The following FAM228B variants were observed in gnomAD, a reference collection of about 807,000 sequenced individuals.
The protein encoded by FAM228B is protein FAM228B.
Under a neutral mutation model 42.6 loss-of-function variants are expected in FAM228B, and 38 were observed. That is an observed-to-expected ratio of 0.89 (90% confidence interval 0.69 to 1.17). The LOEUF (loss-of-function observed/expected upper bound fraction) is 1.17, where lower values mean the gene tolerates loss of function less well. Ranked by LOEUF, FAM228B falls within the 50% of genes most tolerant of loss-of-function variation. The pLI is 0.00. For synonymous variants in FAM228B, 109 were observed against 122.3 expected, an observed-to-expected ratio of 0.89 and a Z score of 0.72; for missense variants, 344 against 367.3, an observed-to-expected ratio of 0.94 and a Z score of 0.52.
chr2:24,156,784 C>A (rs369125346), intron 7 of FAM228B, among the ~76,000 whole-genome samples: 3 of 129,990 alleles, frequency 2.3e-5, no homozygotes, highest in Non-Finnish European at 3.3e-5. Flanking sequence ...GCCCCCCCCC[C>A]CCCAGCTTTT....
rs138677805 is a variant in FAM228B at position 24,080,835 on chromosome 2, C to T, written c.-289-41C>T. On this transcript the variant is annotated intron_variant, in intron 1 of 10. Transcript: ENST00000613899. This position sits in a 1 kb window ranked among gnomAD's most constrained non-coding sequence, Gnocchi z 4.7. ...GTTGTTTACCTTTGGTGAATTTCAG[C>T]GTTGCTTCAGAGAAATCCTCTTTTT... 5.2e-4 allele frequency: 833 copies of T among 1,614,142 alleles called. 6 individuals carry two copies. In the African/African-American group the frequency reaches 9.6e-3, roughly 19 times the overall value.
intron 3 of FAM228B, among the ~76,000 whole-genome samples, chr2:24,104,822 C>T (rs1665673200): frequency 1.3e-5 from 2 of 152,074 alleles, no homozygotes; most frequent in Non-Finnish European, 2.9e-5. Context: ...TTGCCACTGA[C>T]AGCCAGGTGG....
chr2:24,149,530 T>G (rs1057380775), intron 7 of FAM228B, among the ~76,000 whole-genome samples: 12 of 152,170 alleles, frequency 7.9e-5, no homozygotes, highest in African/African-American at 2.4e-4. Context: ...CCTCCCAGGT[T>G]CAAGCAATTC....
chr2:24,086,282 T>G (rs1406912174), intron 2 of FAM228B, among the ~76,000 whole-genome samples: 1 of 148,190 alleles, frequency 6.7e-6, no homozygotes, highest in Non-Finnish European at 1.5e-5. Flanking sequence ...GAGGAATGGA[T>G]GAAGAAGATT....
At chr2:24,106,239 A>G (rs1310803497) in intron 3 of FAM228B, among the ~76,000 whole-genome samples, 2 of 151,710 alleles carry the variant, frequency 1.3e-5, no homozygotes, top group East Asian at 3.9e-4. Flanking sequence ...TACAAAGGGA[A>G]CTCCATCAGG....
intron 2 of FAM228B, among the ~76,000 whole-genome samples, chr2:24,133,906 T>A (rs1002654994): frequency 1.8e-4 from 27 of 152,292 alleles, no homozygotes; most frequent in African/African-American, 5.8e-4. Flanking sequence ...AGCAAGACTG[T>A]CTCCAAAATA....
chr2:24,114,378 A>G (rs10164787), intron 3 of FAM228B, among the ~76,000 whole-genome samples: 17,696 of 152,082 alleles, frequency 0.12, 1,235 homozygotes, highest in South Asian at 0.18. Flanking sequence ...AGCCATGTCT[A>G]TACTTTTTCT....
At position 24,164,297 on chromosome 2, in the gene FAM228B, C is replaced by A. The variant is rs1184685838; in HGVS notation, c.894C>A (p.Ser298=). 1 of 1,550,884 alleles carries A rather than the reference C, an allele frequency of 6.4e-7. No individual in the cohort carries two copies. The highest frequency in any genetic ancestry group is 2.0e-5 in the Admixed American group (1 of 50,962). Residue 298 remains serine (S), a synonymous_variant, in exon 9 of 11, where the codon TCC becomes TCA. Transcript: ENST00000615575. ...KEAISEGYFS[S]LSLSQEREED... is the part of the protein sequence containing the mutation. ...CCATCTCTGAAGGGTATTTTTCTTCCTTGAGCCTCAGCCAGGAACGGGAGG... is the reference window on the plus strand; with the variant it reads ...CCATCTCTGAAGGGTATTTTTCTTCATTGAGCCTCAGCCAGGAACGGGAGG...
chr2:24,130,660 T>A (rs781699421), intron 2 of FAM228B, among the ~76,000 whole-genome samples: 5 of 152,220 alleles, frequency 3.3e-5, no homozygotes, highest in Non-Finnish European at 5.9e-5. Context: ...TTTTTTTTTC[T>A]TGTAAACTTG....
intron 9 of FAM228B, among the ~76,000 whole-genome samples, chr2:24,167,332 AG>A (rs1030872253): frequency 6.6e-6 from 1 of 152,140 alleles, no homozygotes; most frequent in African/African-American, 2.4e-5. Flanking sequence ...AGGGAGGTCT[AG>A]GGGGAAAGCA....
At chr2:24,082,760 G>A in intron 2 of FAM228B, 1 of 1,285,090 alleles carries the variant, frequency 7.8e-7, no homozygotes, top group South Asian at 1.6e-5. Context: ...ATGGTTTGAG[G>A]ACCTGACAAT....
At chr2:24,154,520 C>A (rs924354307) in intron 7 of FAM228B, among the ~76,000 whole-genome samples, 2 of 152,192 alleles carry the variant, frequency 1.3e-5, no homozygotes, top group Non-Finnish European at 2.9e-5. Flanking sequence ...TATGGCTTAT[C>A]TTTTCATTCT....
intron 5 of FAM228B, among the ~76,000 whole-genome samples, chr2:24,146,126 C>G (rs1300739640): frequency 6.6e-6 from 1 of 152,188 alleles, no homozygotes; most frequent in Non-Finnish European, 1.5e-5. Context: ...TGTATTGTAA[C>G]TACCCCTGAA....
intron 2 of FAM228B, 138 bp from the exon 3 acceptor site, chr2:24,134,978 CGAT>C (rs2151017773): frequency 1.7e-6 from 1 of 604,894 alleles, no homozygotes; most frequent in Non-Finnish European, 2.9e-6. Context: ...AAAAAGCACT[CGAT>C]GATATGATTT....
At chr2:24,165,428 G>T (rs1469898968) in intron 9 of FAM228B, 3 of 471,026 alleles carry the variant, frequency 6.4e-6, no homozygotes, top group African/African-American at 4.0e-5. Flanking sequence ...GCCCCTGTCT[G>T]CTCTGAGGCT....
chr2:24,155,504 C>CTTATATATATATATATATATATAT (rs1216710906), intron 7 of FAM228B, among the ~76,000 whole-genome samples: 5 of 35,894 alleles, frequency 1.4e-4, no homozygotes, highest in Non-Finnish European at 2.7e-4. Flanking sequence ...GAAGACCATG[C>CTTATATATATATATATATATATAT]ATATATATAT....
intron 5 of FAM228B, among the ~76,000 whole-genome samples, chr2:24,144,743 T>A (rs1404069779): frequency 6.6e-6 from 1 of 152,092 alleles, no homozygotes; most frequent in East Asian, 1.9e-4. Flanking sequence ...ACCTGCAGCA[T>A]CACCTAGGCT....
chr2:24,137,240 C>T (rs1275413795), intron 3 of FAM228B, among the ~76,000 whole-genome samples: 1 of 151,984 alleles, frequency 6.6e-6, no homozygotes. Context: ...TGAATAATGC[C>T]GCAATGAACA....
Position 24,135,264 on chromosome 2 carries a change from A to G in FAM228B, c.168+77A>G, listed in dbSNP as rs1036298623. 2.0e-5 allele frequency: 16 copies of G among 792,726 alleles called. 1 individual carries two copies. Among genetic ancestry groups the G allele is most frequent in the East Asian group, 1.2e-4 (4 of 34,660 alleles). 49.1% of individuals were successfully genotyped at this position (792,726 alleles called of 1,614,324 possible). A position where few individuals can be genotyped will look rare whatever the true frequency, so the allele number is the denominator to read the frequency against. ...CCTTTTTATATGTAGCATATTCTAT[A>G]AAAACTATTTAGAAAATATGGAAAA... On this transcript the variant is annotated intron_variant, in intron 3 of 10. Transcript: ENST00000615575.
Sources: allele counts gnomAD v4.1 joint callset (sites outside exome capture counted in the v4.1 genomes callset), GRCh38; gene constraint gnomAD v4.1.1; non-coding constraint Gnocchi (gnomAD v3.1); transcripts MANE v1.5; gene names NCBI Gene and HGNC (gene_info 2026-07-23, HGNC 2026-07-21).